The following DOCK8 variants were observed in gnomAD, a reference collection of about 807,000 sequenced individuals.
DOCK8 encodes dedicator of cytokinesis 8.
In DOCK8, 141 loss-of-function variants were observed where a neutral mutation model predicts 245.6. The ratio of observed to expected loss-of-function variants is 0.57; its 90% CI spans 0.50 to 0.66. The LOEUF is 0.66. Ranked by LOEUF, DOCK8 falls within the 30% of genes least tolerant of loss-of-function variation. The pLI is 0.00. For missense variants in DOCK8, 2,965 were observed against 2,603.4 expected (o/e 1.14, Z -3.02); for synonymous variants, 1,168 against 970.2 (o/e 1.20, Z -3.79).
intron 23 of DOCK8, among the ~76,000 whole-genome samples, chr9:387,108 A>C (rs1470896284): frequency 1.3e-5 from 2 of 152,168 alleles, no homozygotes; most frequent in Non-Finnish European, 2.9e-5. Context: ...TCACCATTAT[A>C]GTAGCTACTT....
intron 39 of DOCK8, among the ~76,000 whole-genome samples, chr9:439,011 A>G (rs889826701): frequency 6.6e-6 from 1 of 152,138 alleles, no homozygotes; most frequent in South Asian, 2.1e-4. Flanking sequence ...CCTTTATACA[A>G]AATCTCCTAA....
In DOCK8 at chr9:451,975, ATATTTTTTTTTTTTTTTT is replaced by A. The variant is rs1269666123; in HGVS notation, c.5962-34_5962-17del. 2.2e-4 allele frequency: 50 copies of A among 225,174 alleles called. No homozygotes were observed. The highest frequency in any genetic ancestry group is 2.9e-4 in the Admixed American group (4 of 13,802). 13.9% of individuals were successfully genotyped at this position (225,174 alleles called of 1,614,324 possible). A position where few individuals can be genotyped will look rare whatever the true frequency, so the allele number is the denominator to read the frequency against. ...TGTGTGTATATATATATATATATATATATTTTTTTTTTTTTTTTTTTTTTTTTCCCACCAGGGACCACT... is the reference window on the plus strand; with the variant it reads ...TGTGTGTATATATATATATATATATATTTTTTTTTCCCACCAGGGACCACT... On this transcript the variant is annotated intron_variant, in intron 45 of 47. Coordinates refer to ENST00000432829, the MANE Select transcript of DOCK8 (RefSeq NM_203447.4).
chr9:214,373 T>C, upstream of DOCK8: 1 of 748,074 alleles, frequency 1.3e-6, no homozygotes, highest in Non-Finnish European at 2.2e-6. Flanking sequence ...TTATATTTAT[T>C]TAGTGTCTCA....
chr9:389,111 C>G (rs535617196), intron 23 of DOCK8, among the ~76,000 whole-genome samples: 1 of 152,150 alleles, frequency 6.6e-6, no homozygotes, highest in African/African-American at 2.4e-5. Context: ...TTAGGGTGAC[C>G]AACTGTTCTC....
intron 1 of DOCK8, among the ~76,000 whole-genome samples, chr9:222,720 TC>T (rs1219860626): frequency 1.3e-5 from 2 of 152,224 alleles, no homozygotes; most frequent in South Asian, 2.1e-4. Context: ...AGAACTTCTA[TC>T]CTTTTTCACT....
At chr9:220,486 G>A (rs1298631238) in intron 1 of DOCK8, among the ~76,000 whole-genome samples, 1 of 152,138 alleles carries the variant, frequency 6.6e-6, no homozygotes, top group African/African-American at 2.4e-5. Context: ...CATAAAGGTA[G>A]TGATGGAATG....
At chr9:260,324 A>C (rs557234130) in intron 1 of DOCK8, among the ~76,000 whole-genome samples, 2 of 152,314 alleles carry the variant, frequency 1.3e-5, no homozygotes, top group South Asian at 4.1e-4. Flanking sequence ...CTAGATAGCA[A>C]CTTCCTGCCC....
chr9:422,975 A>T (rs1305490323), intron 33 of DOCK8, among the ~76,000 whole-genome samples: 1 of 132,680 alleles, frequency 7.5e-6, no homozygotes, highest in African/African-American at 2.8e-5. Flanking sequence ...ACAGAGCAAG[A>T]CTCCATCTCA....
chr9:221,316 G>A (rs1432916168), intron 1 of DOCK8, among the ~76,000 whole-genome samples: 1 of 152,058 alleles, frequency 6.6e-6, no homozygotes, highest in Non-Finnish European at 1.5e-5. Flanking sequence ...AGGGCAGCCG[G>A]CCCTCTGCAT....
intron 45 of DOCK8, among the ~76,000 whole-genome samples, chr9:451,550 G>C (rs2057438738): frequency 6.6e-6 from 1 of 152,082 alleles, no homozygotes; most frequent in Non-Finnish European, 1.5e-5. Context: ...TTGAGCCTGG[G>C]AAGTGGAGGC....
At chr9:263,381 A>G (rs2047965447) in intron 1 of DOCK8, among the ~76,000 whole-genome samples, 1 of 152,132 alleles carries the variant, frequency 6.6e-6, no homozygotes, top group Non-Finnish European at 1.5e-5. Context: ...CAGATGATAT[A>G]ATATGGGCTT....
At chr9:277,492 A>G (rs1347524731) in intron 2 of DOCK8, among the ~76,000 whole-genome samples, 1 of 137,854 alleles carries the variant, frequency 7.3e-6, no homozygotes, top group African/African-American at 3.4e-5. Flanking sequence ...AAGAGAAGAC[A>G]TACAAAAGAA....
intron 33 of DOCK8, among the ~76,000 whole-genome samples, chr9:424,093 G>A (rs770047007): frequency 2.0e-5 from 3 of 150,406 alleles, no homozygotes; most frequent in Admixed American, 6.6e-5. Context: ...GGAAACCATA[G>A]TAAAATTATA....
intron 23 of DOCK8, 72 bp from the exon 24 acceptor site, chr9:390,394 TAAAAG>T (rs991105294): frequency 4.4e-5 from 59 of 1,352,828 alleles, no homozygotes; most frequent in Non-Finnish European, 3.1e-5. Flanking sequence ...TTGGGGGGAA[TAAAAG>T]AAAAGAAAAA....
chr9:339,226 G>A, intron 13 of DOCK8, 127 bp downstream of exon 13: 2 of 837,580 alleles, frequency 2.4e-6, no homozygotes, highest in Non-Finnish European at 3.9e-6. Flanking sequence ...TTTGTGTTAG[G>A]GGTTAAGAAT....
At chr9:276,289 G>C (rs73374553) in intron 2 of DOCK8, among the ~76,000 whole-genome samples, 4 of 152,168 alleles carry the variant, frequency 2.6e-5, no homozygotes, top group Non-Finnish European at 5.9e-5. Context: ...ATTTCAGAAG[G>C]TGTAGTAAGC....
chr9:223,371 A>T (rs997552885), intron 1 of DOCK8, among the ~76,000 whole-genome samples: 13 of 152,190 alleles, frequency 8.5e-5, no homozygotes, highest in Non-Finnish European at 2.9e-5. Context: ...GCTAAGCCCC[A>T]GAAATACAAA....
intron 28 of DOCK8, among the ~76,000 whole-genome samples, chr9:407,675 G>A (rs1268421522): frequency 1.3e-5 from 2 of 152,104 alleles, no homozygotes; most frequent in East Asian, 1.9e-4. Context: ...CCTATGCTCC[G>A]TGAGCTCATG....
chr9:266,543 C>G (rs13292783), intron 1 of DOCK8, among the ~76,000 whole-genome samples: 6,441 of 152,256 alleles, frequency 0.042, 156 homozygotes, highest in Non-Finnish European at 0.065. Flanking sequence ...TCCAGGAATT[C>G]GAATTTTTAT....
Sources: allele counts gnomAD v4.1 joint callset (sites outside exome capture counted in the v4.1 genomes callset), GRCh38; gene constraint gnomAD v4.1.1; transcripts MANE v1.5; gene names NCBI Gene and HGNC (gene_info 2026-07-23, HGNC 2026-07-21).